DPP4: variants seen among roughly 807,000 people sequenced by gnomAD.
The protein encoded by DPP4 is ADCP-2.
DPP4 carries 93 observed loss-of-function variants against 122.4 expected under a neutral mutation model. The ratio of observed to expected loss-of-function variants is 0.76; its 90% CI spans 0.64 to 0.90. The LOEUF is 0.90. Ranked by LOEUF, DPP4 falls within the 40% of genes least tolerant of loss-of-function variation. DPP4 has a pLI of 0.00. For synonymous variants in DPP4, 321 were observed against 302.9 expected (o/e 1.06, Z -0.62); for missense variants, 914 against 907.3 (o/e 1.01, Z -0.09).
At position 162,020,211 on chromosome 2, in the gene DPP4, A is replaced by C; in HGVS notation, c.1244+18T>G. ...ATGACAAGTAGGTTTATATCCTATC[A>C]ATTGTTACAATACTCACAGATAATC... On this transcript the variant is annotated intron_variant, in intron 14 of 25. Transcript: ENST00000360534. 1 of 1,598,030 alleles carries C rather than the reference A, an allele frequency of 6.3e-7. No individual in the cohort carries two copies. Among genetic ancestry groups the C allele is most frequent in the East Asian group, 2.2e-5 (1 of 44,726 alleles).
intron 5 of DPP4, among the ~76,000 whole-genome samples, chr2:162,039,755 T>C (rs1683921512): frequency 6.6e-6 from 1 of 151,850 alleles, no homozygotes; most frequent in Non-Finnish European, 1.5e-5. Context: ...CATAGGGAAA[T>C]AAAATTTTTT....
At chr2:162,052,702 G>A (rs1376003155) in intron 2 of DPP4, among the ~76,000 whole-genome samples, 3 of 152,180 alleles carry the variant, frequency 2.0e-5, no homozygotes, top group African/African-American at 7.2e-5. Flanking sequence ...GCTAGAAAAA[G>A]CCTAGATTAC....
chr2:162,035,908 C>A (rs1683753152), intron 8 of DPP4, among the ~76,000 whole-genome samples: 1 of 152,152 alleles, frequency 6.6e-6, no homozygotes, highest in South Asian at 2.1e-4. Flanking sequence ...AAACTGAAAA[C>A]TCCCTTAGAT....
chr2:161,999,748 A>G (rs1055076460), intron 23 of DPP4, among the ~76,000 whole-genome samples: 1 of 152,214 alleles, frequency 6.6e-6, no homozygotes, highest in Non-Finnish European at 1.5e-5. Context: ...AACAGAAGGT[A>G]TAACAATTTT....
intron 2 of DPP4, among the ~76,000 whole-genome samples, chr2:162,059,123 C>G: frequency 6.6e-6 from 1 of 152,234 alleles, no homozygotes; most frequent in South Asian, 2.1e-4. Context: ...AAGGACTGAC[C>G]GAACTAAGCC....
At chr2:162,026,697 C>G (rs773707005) in intron 10 of DPP4, among the ~76,000 whole-genome samples, 5 of 152,224 alleles carry the variant, frequency 3.3e-5, no homozygotes, top group South Asian at 2.1e-4. Context: ...TGCCGGGAAA[C>G]AGAGACATCT....
intron 2 of DPP4, among the ~76,000 whole-genome samples, chr2:162,067,445 T>C (rs989320036): frequency 2.0e-5 from 3 of 152,194 alleles, no homozygotes; most frequent in African/African-American, 7.2e-5. Flanking sequence ...TAGAGTGCCA[T>C]GAATAAAATC....
At chr2:162,065,005 G>A (rs1458835744) in intron 2 of DPP4, among the ~76,000 whole-genome samples, 5 of 152,172 alleles carry the variant, frequency 3.3e-5, no homozygotes, top group African/African-American at 4.8e-5. Flanking sequence ...TACATAGGCC[G>A]TCTCCCCGAT....
Position 162,014,455 on chromosome 2 carries a change from A to C in DPP4, c.1578T>G (p.Tyr526Ter). ...CAAAATGAGGAGGCAAGATCATCTG[A>C]TACCAAAATTCTAAACAAACAGAAA... ...FIILNETKFW[Y>*]QMILPPHFDK... The change falls in exon 19 of 26, where the codon TAT becomes TAG. Residue 526 changes from tyrosine (Y) to a stop codon, truncating the protein, a stop_gained. Coordinates refer to ENST00000360534, the MANE Select transcript of DPP4 (RefSeq NM_001935.4). LOFTEE classifies it high-confidence loss of function. The C allele has an allele frequency of 6.2e-7, 1 of 1,606,816 alleles. No individual in the cohort carries two copies. Among genetic ancestry groups the C allele is most frequent in the Non-Finnish European group, 8.5e-7 (1 of 1,176,346 alleles).
intron 2 of DPP4, among the ~76,000 whole-genome samples, chr2:162,062,393 T>C (rs560772105): frequency 6.6e-6 from 1 of 152,370 alleles, no homozygotes; most frequent in East Asian, 1.9e-4. Context: ...ACAGCACACA[T>C]GTATCAGCTT....
chr2:162,038,493 A>G, intron 7 of DPP4, 71 bp from the exon 8 acceptor site: 1 of 1,463,614 alleles, frequency 6.8e-7, no homozygotes, highest in Non-Finnish European at 9.3e-7. Flanking sequence ...TTGTAGAAAC[A>G]CTTATCTATT....
Position 162,024,847 on chromosome 2 carries a change from A to T in DPP4, c.980T>A (p.Ile327Asn). The change falls in exon 11 of 26, where the codon ATT (isoleucine) becomes AAT (asparagine). Residue 327 changes from isoleucine (I) to asparagine (N), a missense_variant. By Grantham distance (149) the Ile-to-Asn change is moderately radical. Coordinates refer to ENST00000360534, the MANE Select transcript of DPP4 (RefSeq NM_001935.4). ...TCCACTGGATTCATCATAGTCACAA[A>T]TATCCATGACCGAATAGTTCTGAAT... ...RRIQNYSVMD[I>N]CDYDESSGRW... 1 of 1,613,962 alleles carries T rather than the reference A, an allele frequency of 6.2e-7. No homozygotes were observed. Among genetic ancestry groups the T allele is most frequent in the Non-Finnish European group, 8.5e-7 (1 of 1,180,022 alleles).
rs749577897 is a variant in DPP4 at position 162,074,025 on chromosome 2, G to A, written c.-44C>T. On this transcript the variant is annotated 5_prime_UTR_variant, in exon 1 of 26. Transcript: ENST00000360534. Reference sequence around the variant, plus strand: ...AGTGAGCGTTCAGAGAAGGAGCGCAGGCAGAAGTCACCGCGGGCGGCGGAG... The same window carrying A: ...AGTGAGCGTTCAGAGAAGGAGCGCAAGCAGAAGTCACCGCGGGCGGCGGAG... The A allele has an allele frequency of 6.2e-7, 1 of 1,605,142 alleles. No homozygotes were observed. The highest frequency in any genetic ancestry group is 1.7e-5 in the Admixed American group (1 of 58,676).
chr2:162,057,904 C>T (rs1684630273), intron 2 of DPP4, among the ~76,000 whole-genome samples: 1 of 152,302 alleles, frequency 6.6e-6, no homozygotes, highest in African/African-American at 2.4e-5. Flanking sequence ...TCCCAAGTAA[C>T]TGCAACTACA....
intron 23 of DPP4, among the ~76,000 whole-genome samples, chr2:162,001,720 A>C (rs1410429525): frequency 1.3e-5 from 2 of 152,096 alleles, no homozygotes; most frequent in Non-Finnish European, 2.9e-5. Flanking sequence ...CTGTCTGCTG[A>C]TTGACATTGG....
intron 24 of DPP4, 53 bp downstream of exon 24, chr2:161,995,247 T>A (rs1700970762): frequency 6.5e-7 from 1 of 1,530,540 alleles, no homozygotes; most frequent in South Asian, 1.1e-5. Flanking sequence ...TTGTCAGTAG[T>A]GAAATTGCAA....
chr2:162,033,459 A>G (rs1576053065), intron 10 of DPP4, 82 bp downstream of exon 10: 6 of 987,246 alleles, frequency 6.1e-6, no homozygotes, highest in Non-Finnish European at 9.3e-6. Context: ...GCTGTGATCC[A>G]CTTTGCCATT....
chr2:161,995,209 T>A, intron 24 of DPP4, 91 bp downstream of exon 24: 1 of 1,353,654 alleles, frequency 7.4e-7, no homozygotes, highest in Middle Eastern at 1.8e-4. Flanking sequence ...GAAGTAAATG[T>A]AACAGTCTTG....
chr2:162,054,212 G>A (rs1392267542), intron 2 of DPP4, among the ~76,000 whole-genome samples: 1 of 152,186 alleles, frequency 6.6e-6, no homozygotes, highest in African/African-American at 2.4e-5. Flanking sequence ...ATTTGGAATG[G>A]AAATATCTAT....
Sources: allele counts gnomAD v4.1 joint callset (sites outside exome capture counted in the v4.1 genomes callset), GRCh38; gene constraint gnomAD v4.1.1; transcripts MANE v1.5; gene names NCBI Gene and HGNC (gene_info 2026-07-23, HGNC 2026-07-21).